The following MTCL1 variants were observed in gnomAD, a reference collection of about 807,000 sequenced individuals.
MTCL1 encodes the protein microtubule cross-linking factor 1.
In MTCL1, 79 loss-of-function variants were observed where a neutral mutation model predicts 141.4. The observed-to-expected ratio is 0.56, with a 90% CI of 0.47 to 0.67. MTCL1 has a LOEUF of 0.67. Ranked by LOEUF, MTCL1 falls within the 30% of genes least tolerant of loss-of-function variation. The pLI is 0.00. For synonymous variants in MTCL1, 914 were observed against 875.8 expected (o/e 1.04, Z -0.77); for missense variants, 2,177 against 2,113.9 (o/e 1.03, Z -0.59).
At chr18:8,825,634 A>C (rs2144493852) in exon 15 of MTCL1, 2 of 1,613,888 alleles carry the variant, frequency 1.2e-6, no homozygotes, top group East Asian at 4.5e-5. Context: ...CCTGCCATCG[A>C]GAAGGTGCAG....
At chr18:8,772,026 A>G (rs2096487086) in intron 4 of MTCL1, among the ~76,000 whole-genome samples, 1 of 152,250 alleles carries the variant, frequency 6.6e-6, no homozygotes, top group African/African-American at 2.4e-5. Context: ...CACTTCACCC[A>G]GAGTCCGGTG....
rs945400456 is a variant in MTCL1, at chr18:8,830,867, C to T, written c.*19-740C>T. 3.0e-6 allele frequency: 3 copies of T among 985,348 alleles called. No individual in the cohort carries two copies. The highest frequency in any genetic ancestry group is 6.1e-5 in the Admixed American group (1 of 16,270). The allele number at this position is 985,348 out of a possible 1,614,324, so 61.0% of individuals were successfully genotyped here. On this transcript the variant is annotated intron_variant, in intron 16 of 16. Coordinates refer to ENST00000359865, the Ensembl canonical transcript of MTCL1. The surrounding 1 kb of genome is among the most constrained non-coding windows in gnomAD (Gnocchi z 6.4). ...ACAAAGTAGCTTGAGAATAAGGATT[C>T]TAGGTGATTTGCACATGGTTGAGTG...
At chr18:8,796,118 G>C in intron 8 of MTCL1, 114 bp from the exon 8 acceptor site, 1 of 1,002,264 alleles carries the variant, frequency 1.0e-6, no homozygotes, top group Non-Finnish European at 1.5e-6. Flanking sequence ...TGTGTTTCAC[G>C]TCTCATATGC....
chr18:8,748,963 G>T (rs1320561105), intron 4 of MTCL1, among the ~76,000 whole-genome samples: 1 of 152,146 alleles, frequency 6.6e-6, no homozygotes, highest in African/African-American at 2.4e-5. Context: ...GACAGATGGG[G>T]TGTCCTCTGT....
chr18:8,801,530 A>G (rs1379762651), intron 10 of MTCL1: 1 of 151,758 alleles, frequency 6.6e-6, no homozygotes, highest in African/African-American at 2.4e-5. Context: ...TTGTTCTGTC[A>G]CTCTTTAAGT....
At chr18:8,788,258 A>G (rs1057110238) in intron 7 of MTCL1, among the ~76,000 whole-genome samples, 3 of 152,100 alleles carry the variant, frequency 2.0e-5, no homozygotes, top group Admixed American at 6.6e-5. Flanking sequence ...GCTCCCTTCT[A>G]CATTTCCCTT....
In MTCL1 at chr18:8,754,410, A is replaced by G. The variant is rs183668192; in HGVS notation, c.358-23423A>G. On this transcript the variant is annotated intron_variant, in intron 4 of 16. Transcript: ENST00000359865. ...AAGCAAGCATCTATAAAATAACCCC[A>G]TGTGTATAAGTGTATAATACTCTAC... 1.2e-4 allele frequency among the ~76,000 whole-genome samples: 18 copies of G among 152,312 alleles called. No individual in the cohort carries two copies. The East Asian group carries it at 3.1e-3, about 26-fold the overall frequency.
chr18:8,730,933 C>T (rs1156398898), intron 4 of MTCL1, among the ~76,000 whole-genome samples: 1 of 152,186 alleles, frequency 6.6e-6, no homozygotes, highest in African/African-American at 2.4e-5. Flanking sequence ...GAAACAGACA[C>T]TGTGCTTGCT....
chr18:8,786,608 C>CA (rs11437433), intron 7 of MTCL1: 5,793 of 341,326 alleles, frequency 0.017, 83 homozygotes, highest in Middle Eastern at 0.026. Flanking sequence ...TGTCTGTCAC[C>CA]ACAGTAACCC....
chr18:8,827,632 C>A (rs529075582), intron 15 of MTCL1, among the ~76,000 whole-genome samples: 1 of 152,146 alleles, frequency 6.6e-6, no homozygotes, highest in African/African-American at 2.4e-5. Context: ...TGCCGTGGAA[C>A]GGTCTGTTTA....
chr18:8,716,510 G>A (rs1211527578), upstream of MTCL1, among the ~76,000 whole-genome samples: 1 of 147,804 alleles, frequency 6.8e-6, no homozygotes, highest in Non-Finnish European at 1.5e-5. Context: ...TATTTGTTGT[G>A]TTTCTTGTAC....
intron 6 of MTCL1, among the ~76,000 whole-genome samples, chr18:8,785,294 T>C (rs1251142479): frequency 6.6e-6 from 1 of 152,194 alleles, no homozygotes; most frequent in East Asian, 1.9e-4. Context: ...CGTCCCTTCC[T>C]GGGTGTGTTT....
chr18:8,743,388 G>T (rs956085183), intron 4 of MTCL1, among the ~76,000 whole-genome samples: 1 of 152,200 alleles, frequency 6.6e-6, no homozygotes, highest in Admixed American at 6.5e-5. Context: ...AGCACAGAAG[G>T]TCTTAGTACT....
At chr18:8,807,123 C>CG in intron 11 of MTCL1, 63 bp downstream of exon 10, 1 of 1,495,266 alleles carries the variant, frequency 6.7e-7, no homozygotes. Context: ...GGATATGTGG[C>CG]GGGGGAGCGG....
chr18:8,802,816 A>C (rs1598735911), intron 10 of MTCL1, among the ~76,000 whole-genome samples: 1 of 152,264 alleles, frequency 6.6e-6, no homozygotes. Context: ...TCTGAATGAA[A>C]AGCCAGATTT....
chr18:8,814,104 A>G (rs907362282), intron 12 of MTCL1, among the ~76,000 whole-genome samples: 22 of 152,236 alleles, frequency 1.4e-4, no homozygotes, highest in African/African-American at 5.3e-4. Context: ...TTAAATACCC[A>G]TAGAGCCTTT....
exon 15 of MTCL1, chr18:8,824,703 G>T: frequency 6.2e-7 from 1 of 1,609,542 alleles, no homozygotes; most frequent in African/African-American, 1.3e-5. Context: ...TCCCAGGGCG[G>T]TGTCCGTGTC....
chr18:8,767,220 A>C (rs2096463750), intron 4 of MTCL1, among the ~76,000 whole-genome samples: 1 of 152,240 alleles, frequency 6.6e-6, no homozygotes, highest in African/African-American at 2.4e-5. Context: ...CCTAGCTGCC[A>C]GTGCTTGGAG....
chr18:8,818,587 G>A (rs1234675806), intron 12 of MTCL1, among the ~76,000 whole-genome samples: 1 of 152,216 alleles, frequency 6.6e-6, no homozygotes, highest in Non-Finnish European at 1.5e-5. Flanking sequence ...ACTTCTGAAG[G>A]AAGTTCCAAA....
Sources: gnomAD v4.1 joint callset for allele counts (sites outside exome capture counted in the v4.1 genomes callset) on GRCh38, gnomAD v4.1.1 for gene constraint, Gnocchi (gnomAD v3.1) non-coding constraint, MANE v1.5 for transcripts, NCBI Gene and HGNC (gene_info 2026-07-23, HGNC 2026-07-21) for gene names.